The following DPH6 variants were observed in gnomAD, a reference collection of about 807,000 sequenced individuals.
The protein encoded by DPH6 is diphthamine biosynthesis 6.
A neutral mutation model predicts 38.2 loss-of-function variants in DPH6; 33 were observed. The ratio of observed to expected loss-of-function variants is 0.86; its 90% confidence interval spans 0.65 to 1.15. DPH6 has a LOEUF of 1.15. Ranked by LOEUF, DPH6 falls within the 50% of genes most tolerant of loss-of-function variation. The pLI is 0.00. For missense variants in DPH6, 325 were observed against 320.0 expected (o/e 1.02, Z -0.12); for synonymous variants, 108 against 103.0 (o/e 1.05, Z -0.30).
intron 3 of DPH6, among the ~76,000 whole-genome samples, chr15:35,344,968 TG>T (rs1349733525): frequency 1.3e-5 from 2 of 151,840 alleles, no homozygotes; most frequent in South Asian, 2.1e-4. Flanking sequence ...GGGAGGAAAA[TG>T]TTTTTTATGG....
intron 3 of DPH6, among the ~76,000 whole-genome samples, chr15:35,456,281 T>C (rs941217002): frequency 6.6e-6 from 1 of 151,966 alleles, no homozygotes; most frequent in African/African-American, 2.4e-5. Flanking sequence ...TGCTGAATAA[T>C]GTTATCAAAA....
intron 3 of DPH6, among the ~76,000 whole-genome samples, chr15:35,321,699 A>G (rs2052241831): frequency 6.6e-6 from 1 of 152,250 alleles, no homozygotes; most frequent in African/African-American, 2.4e-5. Context: ...GGATTTTTCT[A>G]AAAGAGGTCC....
At chr15:35,381,056 A>G (rs1265866950) in intron 7 of DPH6, among the ~76,000 whole-genome samples, 13 of 152,308 alleles carry the variant, frequency 8.5e-5, no homozygotes, top group Non-Finnish European at 8.8e-5. Context: ...ATTTTCTTAG[A>G]TCACTCCTTC....
intron 3 of DPH6, among the ~76,000 whole-genome samples, chr15:35,526,579 T>C (rs920234117): frequency 2.0e-5 from 3 of 152,164 alleles, no homozygotes; most frequent in African/African-American, 4.8e-5. Flanking sequence ...GCACAAATGA[T>C]GGCCCCATTC....
intron 3 of DPH6, among the ~76,000 whole-genome samples, chr15:35,534,516 GACAA>G (rs1329226438): frequency 1.3e-5 from 2 of 152,046 alleles, no homozygotes; most frequent in African/African-American, 4.8e-5. Context: ...AAAAACAATG[GACAA>G]ACAAGAAAAG....
intron 3 of DPH6, among the ~76,000 whole-genome samples, chr15:35,316,796 G>GA (rs1566867744): frequency 6.6e-6 from 1 of 151,824 alleles, no homozygotes; most frequent in African/African-American, 2.4e-5. Flanking sequence ...AAAGGACAAA[G>GA]AAAAAAACCA....
chr15:35,394,821 A>T (rs1456616310), intron 6 of DPH6, among the ~76,000 whole-genome samples: 1 of 152,182 alleles, frequency 6.6e-6, no homozygotes, highest in African/African-American at 2.4e-5. Flanking sequence ...ACATATACTC[A>T]ATAAAGGGGC....
chr15:35,373,793 T>C (rs1485284550), intron 7 of DPH6, among the ~76,000 whole-genome samples, 185 bp from the exon 8 acceptor site: 1 of 152,020 alleles, frequency 6.6e-6, no homozygotes, highest in African/African-American at 2.4e-5. Flanking sequence ...TCAAGTATAC[T>C]AAGCTTTTAA....
the DPH6 span, among the ~76,000 whole-genome samples, chr15:35,184,762 T>C: frequency 6.6e-6 from 1 of 152,186 alleles, no homozygotes; most frequent in Non-Finnish European, 1.5e-5. Context: ...CAGTAGGTTA[T>C]ATGTTACATT....
chr15:35,510,475 G>T (rs1003494591), intron 3 of DPH6, among the ~76,000 whole-genome samples: 2 of 152,188 alleles, frequency 1.3e-5, no homozygotes, highest in South Asian at 4.1e-4. Context: ...TCCTGCATAT[G>T]TATCAGGTAA....
At chr15:35,366,073 T>A, downstream of DPH6, 2 of 959,490 alleles carry the variant, frequency 2.1e-6, no homozygotes, top group Non-Finnish European at 2.5e-6. Flanking sequence ...TTTGTCCTAT[T>A]TGTAAGGAAA....
At chr15:35,346,283 G>GTA (rs2052461205) in intron 3 of DPH6, among the ~76,000 whole-genome samples, 1 of 151,974 alleles carries the variant, frequency 6.6e-6, no homozygotes, top group Non-Finnish European at 1.5e-5. Context: ...TGTAAGTGAA[G>GTA]TCATCTACTC....
At chr15:35,283,656 A>C (rs922211345) in intron 3 of DPH6, among the ~76,000 whole-genome samples, 2 of 152,056 alleles carry the variant, frequency 1.3e-5, no homozygotes, top group Admixed American at 1.3e-4. Context: ...GTCCTCTAGA[A>C]TCCTATCACC....
chr15:35,528,189 T>C (rs1318896385), intron 3 of DPH6, among the ~76,000 whole-genome samples: 1 of 152,182 alleles, frequency 6.6e-6, no homozygotes, highest in African/African-American at 2.4e-5. Flanking sequence ...TAGGTGCTTT[T>C]AAGAAATAAG....
Position 35,372,139 on chromosome 15 carries a change from C to A in DPH6, c.*11G>T. On this transcript the variant is annotated 3_prime_UTR_variant, in exon 9 of 9. Coordinates refer to ENST00000256538, the MANE Select transcript of DPH6 (RefSeq NM_080650.4). ...AATGGTGGTTTAATGAACAATGTTCCAAAACACTTTTCAAAAATTATATAT... is the reference window on the plus strand; with the variant it reads ...AATGGTGGTTTAATGAACAATGTTCAAAAACACTTTTCAAAAATTATATAT... 2 of 1,513,084 alleles carry A rather than the reference C, an allele frequency of 1.3e-6. No individual in the cohort carries two copies. The highest frequency in any genetic ancestry group is 2.5e-5 in the East Asian group (1 of 39,286). The allele number at this position is 1,513,084 out of a possible 1,614,324, so 93.7% of individuals were successfully genotyped here.
At chr15:35,526,143 G>A (rs1347090372) in intron 3 of DPH6, among the ~76,000 whole-genome samples, 1 of 152,136 alleles carries the variant, frequency 6.6e-6, no homozygotes, top group African/African-American at 2.4e-5. Flanking sequence ...GGAAGATCAT[G>A]GGTTATTTAT....
At chr15:35,297,316 T>G (rs2140795235) in intron 3 of DPH6, among the ~76,000 whole-genome samples, 1 of 151,198 alleles carries the variant, frequency 6.6e-6, no homozygotes, top group South Asian at 2.1e-4. Context: ...CTATATCCAC[T>G]CTTTTCCCTC....
At chr15:35,470,238 A>C (rs566714014) in intron 3 of DPH6, among the ~76,000 whole-genome samples, 39 of 152,242 alleles carry the variant, frequency 2.6e-4, no homozygotes, top group African/African-American at 9.4e-4. Context: ...AAACAAATAA[A>C]TAAAAACTAA....
chr15:35,153,784 A>C, the DPH6 span, among the ~76,000 whole-genome samples: 1 of 152,320 alleles, frequency 6.6e-6, no homozygotes, highest in East Asian at 1.9e-4. Flanking sequence ...CCCCTTCAAG[A>C]GAGCCCCTCA....
Sources: gnomAD v4.1 joint callset for allele counts (sites outside exome capture counted in the v4.1 genomes callset) on GRCh38, gnomAD v4.1.1 for gene constraint, MANE v1.5 for transcripts, NCBI Gene and HGNC (gene_info 2026-07-23, HGNC 2026-07-21) for gene names.